The following CYB5RL variants were observed in gnomAD, a reference collection of about 807,000 sequenced individuals.
The protein encoded by CYB5RL is cytochrome b5 reductase like.
A neutral mutation model predicts 37.5 loss-of-function variants in CYB5RL; 38 were observed. The observed-to-expected ratio is 1.01, with a 90% CI of 0.78 to 1.33. CYB5RL has a LOEUF of 1.33. Among genes scored for constraint, CYB5RL ranks in the 40% most tolerant of loss-of-function variants. The probability of loss-of-function intolerance (pLI) is 0.00; values close to 1 mark genes in which losing one functional copy is unlikely to be tolerated. For missense variants in CYB5RL, 388 were observed against 394.4 expected (o/e 0.98, Z 0.14); for synonymous variants, 141 against 151.9 (o/e 0.93, Z 0.53).
intron 1 of CYB5RL, among the ~76,000 whole-genome samples, chr1:54,198,027 CAAAAAAAAAAAAAAAA>C (rs575486117): frequency 1.0e-3 from 80 of 78,522 alleles, no homozygotes; most frequent in Middle Eastern, 8.3e-3. Context: ...GACTCTGTCT[CAAAAAAAAAAAAAAAA>C]AAAAAAAAAA....
At chr1:54,179,057 A>T in intron 7 of CYB5RL, 92 bp downstream of exon 7, 1 of 1,436,938 alleles carries the variant, frequency 7.0e-7, no homozygotes. Flanking sequence ...CACAGCATCC[A>T]TTGCCAAAAG....
At chr1:54,184,307 G>T in intron 5 of CYB5RL, 42 bp from the exon 6 acceptor site, 1 of 1,545,790 alleles carries the variant, frequency 6.5e-7, no homozygotes, top group Non-Finnish European at 8.9e-7. Flanking sequence ...ACAGGTACAT[G>T]CTGCCAACAC....
chr1:54,174,574 C>T lies in CYB5RL; in HGVS notation c.*45G>A. ...TTCCAGTCTGTGCTCCTTCCTGGGT[C>T]CCAGTAGCAGGCTCATGGCCTAGGC... On this transcript the variant is annotated 3_prime_UTR_variant, in exon 8 of 8. Coordinates refer to ENST00000534324, the MANE Select transcript of CYB5RL (RefSeq NM_001031672.4). 1.3e-6 allele frequency: 2 copies of T among 1,563,376 alleles called. No individual in the cohort carries two copies. The highest frequency in any genetic ancestry group is 1.2e-5 in the South Asian group (1 of 84,998).
At chr1:54,180,631 C>A (rs1031448106) in intron 6 of CYB5RL, among the ~76,000 whole-genome samples, 1 of 151,588 alleles carries the variant, frequency 6.6e-6, no homozygotes, top group African/African-American at 2.4e-5. Context: ...AGAGGGGTGA[C>A]CCTCTTTAAG....
intron 1 of CYB5RL, among the ~76,000 whole-genome samples, chr1:54,198,153 G>A (rs1644030673): frequency 6.6e-6 from 1 of 151,720 alleles, no homozygotes; most frequent in Non-Finnish European, 1.5e-5. Context: ...GATACAATCT[G>A]GGAGCTAGGT....
chr1:54,183,989 A>AAATG (rs1660228786), intron 6 of CYB5RL, 172 bp downstream of exon 6: 1 of 407,626 alleles, frequency 2.5e-6, no homozygotes, highest in Non-Finnish European at 4.3e-6. Context: ...ATAAATAAAT[A>AAATG]AATAAATAAA....
At chr1:54,199,719 G>C (rs1266672148) in intron 1 of CYB5RL, among the ~76,000 whole-genome samples, 1 of 152,202 alleles carries the variant, frequency 6.6e-6, no homozygotes, top group African/African-American at 2.4e-5. Context: ...GAGGTGTACA[G>C]TGAGCAGTCA....
At chr1:54,182,129 T>C (rs992803280) in intron 6 of CYB5RL, among the ~76,000 whole-genome samples, 1 of 152,208 alleles carries the variant, frequency 6.6e-6, no homozygotes, top group Non-Finnish European at 1.5e-5. Flanking sequence ...CTCTCAAGCA[T>C]CTGGGGGATG....
At chr1:54,186,724 C>T (rs1643903955) in intron 5 of CYB5RL, among the ~76,000 whole-genome samples, 1 of 151,526 alleles carries the variant, frequency 6.6e-6, no homozygotes. Context: ...CCCATCCAAG[C>T]TTATGTGTGG....
intron 3 of CYB5RL, among the ~76,000 whole-genome samples, chr1:54,192,913 T>A (rs12059748): frequency 2.0e-5 from 3 of 151,948 alleles, no homozygotes; most frequent in Non-Finnish European, 2.9e-5. Context: ...TGCCACCACG[T>A]CTGGCTAATT....
intron 3 of CYB5RL, among the ~76,000 whole-genome samples, chr1:54,191,704 G>A (rs889375185): frequency 6.6e-6 from 1 of 152,222 alleles, no homozygotes; most frequent in African/African-American, 2.4e-5. Context: ...TGGTAGTGCT[G>A]ACAGTATCAC....
At chr1:54,191,043 C>T in intron 3 of CYB5RL, 147 bp from the exon 4 acceptor site, 2 of 1,148,584 alleles carry the variant, frequency 1.7e-6, no homozygotes, top group Non-Finnish European at 2.4e-6. Flanking sequence ...CCTTACTTCC[C>T]TTTCAAAATT....
rs183139501 is a variant in CYB5RL at position 54,175,437 on chromosome 1, C to T, written c.745-615G>A. ...ATTCCAAGGCTGGACGGTGACCCCA[C>T]GGACCCAGGATCCTTCTCTCTGCCC... On this transcript the variant is annotated intron_variant, in intron 7 of 7. Transcript: ENST00000534324. The T allele has an allele frequency of 4.5e-5, 13 of 287,942 alleles. No individual in the cohort carries two copies. In the East Asian group the frequency reaches 8.5e-4, roughly 19 times the overall value. 17.8% of individuals were successfully genotyped at this position (287,942 alleles called of 1,614,324 possible).
intron 4 of CYB5RL, 136 bp from the exon 5 acceptor site, chr1:54,187,875 A>ACCTG: frequency 1.4e-6 from 1 of 692,002 alleles, no homozygotes; most frequent in Non-Finnish European, 2.5e-6. Flanking sequence ...CAGGAGTTTG[A>ACCTG]GACCAGCCTG....
rs1280559015 is a variant in CYB5RL at position 54,173,027 on chromosome 1, G to A, written c.*1592C>T. The A allele has an allele frequency of 6.6e-6, 1 of 152,128 alleles. No individual in the cohort carries two copies. The highest frequency in any genetic ancestry group is 2.4e-5 in the African/African-American group (1 of 41,404). 9.4% of individuals were successfully genotyped at this position (152,128 alleles called of 1,614,324 possible). A position where few individuals can be genotyped will look rare whatever the true frequency, so the allele number is the denominator to read the frequency against. Reference sequence around the variant, plus strand: ...AAACTCTGGATTAAACAAAATGAAAGGAGTTTCTTTGCCACTGGTCTTTTC... The same window carrying A: ...AAACTCTGGATTAAACAAAATGAAAAGAGTTTCTTTGCCACTGGTCTTTTC... On this transcript the variant is annotated 3_prime_UTR_variant, in exon 8 of 8. Transcript: ENST00000534324.
intron 3 of CYB5RL, among the ~76,000 whole-genome samples, chr1:54,193,865 G>C (rs1643979302): frequency 6.6e-6 from 1 of 151,876 alleles, no homozygotes; most frequent in Non-Finnish European, 1.5e-5. Flanking sequence ...AGGTACTCAG[G>C]AGGCTGAGGC....
intron 7 of CYB5RL, among the ~76,000 whole-genome samples, chr1:54,176,191 C>A (rs965920720): frequency 1.3e-4 from 20 of 152,142 alleles, no homozygotes; most frequent in Non-Finnish European, 1.5e-5. Flanking sequence ...CTGGTGTAAG[C>A]CCTGGGAGAG....
At chr1:54,195,294 TTC>T in intron 3 of CYB5RL, 123 bp downstream of exon 3, 1 of 1,161,410 alleles carries the variant, frequency 8.6e-7, no homozygotes, top group South Asian at 2.4e-5. Flanking sequence ...ATCTGTTTGC[TTC>T]TGTTATGCAT....
intron 7 of CYB5RL, among the ~76,000 whole-genome samples, chr1:54,177,532 C>T (rs1043521807): frequency 3.3e-5 from 5 of 152,180 alleles, no homozygotes; most frequent in Non-Finnish European, 7.3e-5. Flanking sequence ...GCTGTGCTGC[C>T]TTATTCTGAG....
Sources: allele counts gnomAD v4.1 joint callset (sites outside exome capture counted in the v4.1 genomes callset), GRCh38; gene constraint gnomAD v4.1.1; transcripts MANE v1.5; gene names NCBI Gene and HGNC (gene_info 2026-07-23, HGNC 2026-07-21).